CCNB1: variants seen among roughly 807,000 people sequenced by gnomAD.
The protein encoded by CCNB1 is G2/mitotic-specific cyclin-B1.
A neutral mutation model predicts 44.4 loss-of-function variants in CCNB1; 26 were observed. The observed-to-expected ratio is 0.59, with a 90% confidence interval of 0.43 to 0.81. CCNB1 has a LOEUF of 0.81. Among genes scored for constraint, CCNB1 ranks in the 40% least tolerant of loss-of-function variants. The probability of loss-of-function intolerance (pLI) is 0.00; values close to 1 mark genes in which losing one functional copy is unlikely to be tolerated. For missense variants in CCNB1, 477 were observed against 520.9 expected, an observed-to-expected ratio of 0.92 and a Z score of 0.82; for synonymous variants, 195 against 181.4, an observed-to-expected ratio of 1.08 and a Z score of -0.60.
chr5:69,168,052 C>T lies in CCNB1; in HGVS notation c.166C>T (p.Leu56=). Residue 56 remains leucine (L), a synonymous_variant, in exon 2 of 9, where the codon CTG becomes TTG. Coordinates refer to ENST00000256442, the MANE Select transcript of CCNB1 (RefSeq NM_031966.4). ...CATTGGTAACAAAGTCAGTGAACAA[C>T]TGCAGGCCAAAATGCCTATGAAGAA... ...GDIGNKVSEQ[L]QAKMPMKKEA... 4 of 1,614,044 alleles carry T rather than the reference C, an allele frequency of 2.5e-6. No individual in the cohort carries two copies. The African/African-American group carries it at 5.3e-5, about 22-fold the overall frequency.
Position 69,174,871 on chromosome 5 carries a change from T to C in CCNB1, c.706-6T>C. 1.2e-6 allele frequency: 2 copies of C among 1,608,744 alleles called. No homozygotes were observed. Among genetic ancestry groups the C allele is most frequent in the Non-Finnish European group, 1.7e-6 (2 of 1,175,110 alleles). ...TTTATTCACCCTATTGAAATTCCCA[T>C]TGCAGAATAATTGTGTGCCCAAGAA... On this transcript the variant is annotated splice_region_variant and splice_polypyrimidine_tract_variant and intron_variant, in intron 5 of 8. Coordinates refer to ENST00000256442, the MANE Select transcript of CCNB1 (RefSeq NM_031966.4).
At chr5:69,175,295 T>A in intron 6 of CCNB1, 102 bp from the exon 7 acceptor site, 1 of 1,174,742 alleles carries the variant, frequency 8.5e-7, no homozygotes, top group Non-Finnish European at 1.2e-6. Flanking sequence ...CATTTGAGAG[T>A]TTGTAGACAA....
intron 3 of CCNB1, among the ~76,000 whole-genome samples, chr5:69,169,032 C>T (rs1747402467): frequency 6.6e-6 from 1 of 152,174 alleles, no homozygotes; most frequent in Non-Finnish European, 1.5e-5. Context: ...TTCTGAAGCT[C>T]TGTTTTTTTA....
chr5:69,177,685 C>A lies in CCNB1; in HGVS notation c.*54C>A. The A allele has an allele frequency of 9.4e-7, 1 of 1,058,832 alleles. No individual in the cohort carries two copies. Among genetic ancestry groups the A allele is most frequent in the Non-Finnish European group, 1.5e-6 (1 of 685,366 alleles). The allele number at this position is 1,058,832 out of a possible 1,614,324, so 65.6% of individuals were successfully genotyped here. ...TTACAAATAAAATTGGCACCATGTGCCATCTGTACATATTACTGTTGCATT... is the reference window on the plus strand; with the variant it reads ...TTACAAATAAAATTGGCACCATGTGACATCTGTACATATTACTGTTGCATT... On this transcript the variant is annotated 3_prime_UTR_variant, in exon 9 of 9. Transcript: ENST00000256442.
rs1454577153 is a variant in CCNB1, at chr5:69,175,475, CCTT to C, written c.1024_1026del (p.Ser342del). 2 of 1,613,960 alleles carry C rather than the reference CCTT, an allele frequency of 1.2e-6. No individual in the cohort carries two copies. The highest frequency in any genetic ancestry group is 1.7e-6 in the Non-Finnish European group (2 of 1,179,942). ...GGACTATGACATGGTGCACTTTCCT[CCTT>C]CTCAAATTGCAGCAGGAGCTTTTTG... On this transcript the variant is annotated inframe_deletion, in exon 7 of 9. Coordinates refer to ENST00000256442, the MANE Select transcript of CCNB1 (RefSeq NM_031966.4).
intron 5 of CCNB1, among the ~76,000 whole-genome samples, 177 bp from the exon 6 acceptor site, chr5:69,174,700 G>A (rs379434): frequency 0.43 from 65,705 of 151,608 alleles, 14,293 homozygotes; most frequent in South Asian, 0.55. Flanking sequence ...GGGTGACAGA[G>A]CGAGACTCAA....
Position 69,175,406 on chromosome 5 carries a change from G to A in CCNB1, c.952G>A (p.Glu318Lys), listed in dbSNP as rs1265958466. 17 of 1,612,890 alleles carry A rather than the reference G, an allele frequency of 1.1e-5. No homozygotes were observed. The highest frequency in any genetic ancestry group is 3.3e-5 in the Admixed American group (2 of 59,702). The change falls in exon 7 of 9, where the codon GAG (glutamate) becomes AAG (lysine). Residue 318 changes from glutamate (E) to lysine (K), a missense_variant. Glu to Lys is a moderately conservative substitution (Grantham distance 56). Coordinates refer to ENST00000256442, the MANE Select transcript of CCNB1 (RefSeq NM_031966.4). ...ATGGGTTTTGTTTCAGGTTGATGTC[G>A]AGCAACATACTTTGGCCAAATACCT... ...RASKIGEVDVEQHTLAKYLME... is the reference protein window; with the variant it reads ...RASKIGEVDVKQHTLAKYLME...
intron 4 of CCNB1, among the ~76,000 whole-genome samples, chr5:69,172,987 A>T (rs1307872397): frequency 6.6e-6 from 1 of 151,572 alleles, no homozygotes; most frequent in African/African-American, 2.4e-5. Flanking sequence ...GTTAGCCAGG[A>T]TGGTCTCAAT....
chr5:69,172,391 G>T (rs1357208901), intron 4 of CCNB1, among the ~76,000 whole-genome samples: 1 of 152,066 alleles, frequency 6.6e-6, no homozygotes, highest in Non-Finnish European at 1.5e-5. Context: ...CGAGCAGCTG[G>T]GATTACAGGT....
rs1747628293 is a variant in CCNB1 at position 69,177,705 on chromosome 5, T to C, written c.*74T>C. The C allele has an allele frequency of 4.7e-6, 4 of 842,322 alleles. No individual in the cohort carries two copies. Among genetic ancestry groups the C allele is most frequent in the Non-Finnish European group, 7.8e-6 (4 of 515,028 alleles). 52.2% of individuals were successfully genotyped at this position (842,322 alleles called of 1,614,324 possible). ...ATGTGCCATCTGTACATATTACTGT[T>C]GCATTTACTTTTAATAAAGCTTGTG... On this transcript the variant is annotated 3_prime_UTR_variant, in exon 9 of 9. Coordinates refer to ENST00000256442, the MANE Select transcript of CCNB1 (RefSeq NM_031966.4).
chr5:69,170,337 A>G (rs901794253), intron 3 of CCNB1, among the ~76,000 whole-genome samples: 7 of 152,096 alleles, frequency 4.6e-5, no homozygotes, highest in African/African-American at 7.2e-5. Context: ...CATGAAGTCA[A>G]TGCCTTGTAG....
chr5:69,167,202 T>C lies in CCNB1; in HGVS notation c.-61T>C. 3 of 1,473,002 alleles carry C rather than the reference T, an allele frequency of 2.0e-6. No homozygotes were observed. The Admixed American group carries it at 6.4e-5, about 32-fold the overall frequency. The allele number at this position is 1,473,002 out of a possible 1,614,324, so 91.2% of individuals were successfully genotyped here. The stretch of plus-strand genomic sequence containing the variant: ...TTTCTGCTGGGTGTAGGTCCTTGGC[T>C]GGTCGGGCCTCCGGTGTTCTGCTTC... On this transcript the variant is annotated 5_prime_UTR_variant, in exon 1 of 9. Transcript: ENST00000256442.
chr5:69,169,272 T>C (rs920430556), intron 3 of CCNB1, among the ~76,000 whole-genome samples: 1 of 152,158 alleles, frequency 6.6e-6, no homozygotes, highest in Non-Finnish European at 1.5e-5. Context: ...GGTTTCACCA[T>C]GTTAGTGTAC....
At position 69,168,242 on chromosome 5, in the gene CCNB1, A is replaced by G. The variant is rs954971463; in HGVS notation, c.262A>G (p.Met88Val). Reference sequence around the variant, plus strand: ...ACCAAAACCTCTTGAAAAGGTACCTATGCTGGTGCCAGTGCCAGTGTCTGA... The same window carrying G: ...ACCAAAACCTCTTGAAAAGGTACCTGTGCTGGTGCCAGTGCCAGTGTCTGA... ...KLPKPLEKVP[M>V]LVPVPVSEPV... The change falls in exon 3 of 9, where the codon ATG becomes GTG. Residue 88 changes from methionine to valine, a missense_variant. Physicochemically the swap from Met to Val is conservative, Grantham distance 21 (BLOSUM62 1). Coordinates refer to ENST00000256442, the MANE Select transcript of CCNB1 (RefSeq NM_031966.4). 2.5e-6 allele frequency: 4 copies of G among 1,614,010 alleles called. No individual in the cohort carries two copies. Among genetic ancestry groups the G allele is most frequent in the African/African-American group, 2.7e-5 (2 of 74,930 alleles).
At chr5:69,169,521 A>G (rs1011109954) in intron 3 of CCNB1, among the ~76,000 whole-genome samples, 4 of 152,154 alleles carry the variant, frequency 2.6e-5, no homozygotes, top group African/African-American at 9.7e-5. Context: ...TTGCTTTCCC[A>G]CTTAGTAAGA....
At chr5:69,177,467 T>C (rs1747621424) in intron 8 of CCNB1, 57 bp from the exon 9 acceptor site, 1 of 1,282,248 alleles carries the variant, frequency 7.8e-7, no homozygotes, top group African/African-American at 1.5e-5. Flanking sequence ...CCTGTATCAT[T>C]GCATCTTGTG....
chr5:69,168,760 T>C (rs746906305), intron 3 of CCNB1, among the ~76,000 whole-genome samples: 4 of 152,216 alleles, frequency 2.6e-5, no homozygotes, highest in Non-Finnish European at 4.4e-5. Context: ...GGCGTAAACA[T>C]AGAATGTTCT....
Position 69,167,208 on chromosome 5 carries a change from G to T in CCNB1, c.-55G>T. The T allele has an allele frequency of 2.0e-6, 3 of 1,510,500 alleles. No individual in the cohort carries two copies. The highest frequency in any genetic ancestry group is 1.8e-6 in the Non-Finnish European group (2 of 1,123,316). 93.6% of individuals were successfully genotyped at this position (1,510,500 alleles called of 1,614,324 possible). ...CTGGGTGTAGGTCCTTGGCTGGTCG[G>T]GCCTCCGGTGTTCTGCTTCTCCCCG... On this transcript the variant is annotated 5_prime_UTR_variant, in exon 1 of 9. Transcript: ENST00000256442.
chr5:69,175,189 C>T (rs1413280885), intron 6 of CCNB1, 76 bp downstream of exon 6: 6 of 1,167,966 alleles, frequency 5.1e-6, no homozygotes, highest in Non-Finnish European at 7.6e-6. Context: ...ACGTTGAATT[C>T]AACTGACCTG....
Sources: gnomAD v4.1 joint callset for allele counts (sites outside exome capture counted in the v4.1 genomes callset) on GRCh38, gnomAD v4.1.1 for gene constraint, MANE v1.5 for transcripts, NCBI Gene and HGNC (gene_info 2026-07-23, HGNC 2026-07-21) for gene names.